The following PALM2AKAP2 variants were observed in gnomAD, a reference collection of about 807,000 sequenced individuals.
PALM2AKAP2 encodes PALM2 and AKAP2 fusion, also known as PALM2-AKAP2 fusion protein.
In PALM2AKAP2, 37 loss-of-function variants were observed where a neutral mutation model predicts 71.5. That is an observed-to-expected ratio of 0.52 (90% CI 0.40 to 0.68). The LOEUF is 0.68. PALM2AKAP2 is among the 30% of genes least tolerant of loss of function. The probability of loss-of-function intolerance (pLI) is 0.00; values close to 1 mark genes in which losing one functional copy is unlikely to be tolerated. For missense variants in PALM2AKAP2, 1,224 were observed against 1,191.8 expected, an observed-to-expected ratio of 1.03 and a Z score of -0.40; for synonymous variants, 468 against 478.8, an observed-to-expected ratio of 0.98 and a Z score of 0.29.
At chr9:109,888,581 G>A (rs952484457) in intron 3 of PALM2AKAP2, among the ~76,000 whole-genome samples, 2 of 151,878 alleles carry the variant, frequency 1.3e-5, no homozygotes, top group African/African-American at 4.8e-5. Context: ...GTGGTTGCAG[G>A]CGCTTGTAAT....
chr9:110,036,106 T>G (rs1833405652), intron 7 of PALM2AKAP2, among the ~76,000 whole-genome samples: 1 of 151,908 alleles, frequency 6.6e-6, no homozygotes, highest in Admixed American at 6.6e-5. Context: ...GCTAGTTTTT[T>G]TGGTATTTTT....
At chr9:109,869,811 A>T (rs1010684669) in intron 2 of PALM2AKAP2, among the ~76,000 whole-genome samples, 7 of 152,120 alleles carry the variant, frequency 4.6e-5, no homozygotes, top group African/African-American at 1.7e-4. Context: ...AGTTGATGAG[A>T]TTGGCTATCT....
In PALM2AKAP2 at chr9:109,867,162, CTCTGTGTG is replaced by C. The variant is rs1458970529; in HGVS notation, c.46-327_46-320del. 1.2e-4 allele frequency: 44 copies of C among 381,448 alleles called. No homozygotes were observed. In the East Asian group the frequency reaches 2.2e-3, roughly 19 times the overall value. 23.6% of individuals were successfully genotyped at this position (381,448 alleles called of 1,614,324 possible). A position where few individuals can be genotyped will look rare whatever the true frequency, so the allele number is the denominator to read the frequency against. ...AATTAACACTGCACAGAACATGGTT[CTCTGTGTG>C]TGTGTGTGTGTGTGTGTGTGTGTGT... On this transcript the variant is annotated intron_variant, in intron 1 of 9. Transcript: ENST00000302798.
chr9:110,087,873 A>G (rs895159115), intron 1 of PALM2AKAP2, among the ~76,000 whole-genome samples: 1 of 152,168 alleles, frequency 6.6e-6, no homozygotes, highest in East Asian at 1.9e-4. Flanking sequence ...TGGAGTGGTA[A>G]TAAGTGCTGA....
chr9:110,078,629 T>C (rs1476687739), intron 1 of PALM2AKAP2, among the ~76,000 whole-genome samples: 2 of 152,216 alleles, frequency 1.3e-5, no homozygotes, highest in Non-Finnish European at 2.9e-5. Flanking sequence ...TTCATTCTCT[T>C]GCACTGAGGG....
chr9:110,119,344 A>G lies in PALM2AKAP2; in HGVS notation c.157-16783A>G, dbSNP rs1472293284. Reference sequence around the variant, plus strand: ...GTGACAGAGCGAGACTCCATCTCAAAAAAAAAAAAAAAAAAAGAAAAGAAA... The same window carrying G: ...GTGACAGAGCGAGACTCCATCTCAAGAAAAAAAAAAAAAAAAGAAAAGAAA... On this transcript the variant is annotated intron_variant, in intron 1 of 3. Coordinates refer to ENST00000374525, the Ensembl canonical transcript of PALM2AKAP2. Among the ~76,000 whole-genome samples, 697 of 90,556 alleles carry G rather than the reference A, an allele frequency of 7.7e-3. 9 individuals carry two copies. The highest frequency in any genetic ancestry group is 0.028 in the African/African-American group (642 of 22,646). The allele number at this position is 90,556 out of a possible 152,430, so 59.4% of individuals were successfully genotyped here.
At chr9:110,136,352 A>G in exon 2 of PALM2AKAP2, 1 of 1,614,092 alleles carries the variant, frequency 6.2e-7, no homozygotes, top group South Asian at 1.1e-5. Context: ...TGGCCTCCTT[A>G]CTGATCACCA....
intron 1 of PALM2AKAP2, among the ~76,000 whole-genome samples, chr9:109,852,748 T>C (rs1829056979): frequency 6.6e-6 from 1 of 152,204 alleles, no homozygotes; most frequent in African/African-American, 2.4e-5. Context: ...AGTTGGTATC[T>C]CATTGTGGTT....
intron 3 of PALM2AKAP2, among the ~76,000 whole-genome samples, chr9:110,162,712 CTTGT>C (rs1012566776): frequency 3.3e-5 from 5 of 152,128 alleles, no homozygotes; most frequent in Non-Finnish European, 7.4e-5. Context: ...CAAAAGCCTC[CTTGT>C]TTAAGAGACA....
At chr9:110,124,644 T>G (rs779914888) in intron 1 of PALM2AKAP2, among the ~76,000 whole-genome samples, 1 of 152,186 alleles carries the variant, frequency 6.6e-6, no homozygotes, top group Non-Finnish European at 1.5e-5. Flanking sequence ...TATTCTGAGG[T>G]GACACTGATG....
chr9:109,787,794 G>C (rs1453239801), intron 1 of PALM2AKAP2, among the ~76,000 whole-genome samples: 1 of 152,228 alleles, frequency 6.6e-6, no homozygotes, highest in African/African-American at 2.4e-5. Context: ...AAGATTGGCA[G>C]TCACAACACA....
chr9:110,104,173 CT>C (rs1409779193), intron 1 of PALM2AKAP2, among the ~76,000 whole-genome samples: 11 of 120,070 alleles, frequency 9.2e-5, no homozygotes, highest in Admixed American at 2.2e-4. Context: ...AAGATTTCTG[CT>C]TTTTTTTGGG....
At chr9:110,046,433 A>C (rs1371170826), upstream of PALM2AKAP2, among the ~76,000 whole-genome samples, 1 of 151,824 alleles carries the variant, frequency 6.6e-6, no homozygotes, top group East Asian at 1.9e-4. Context: ...GTAAAGAAGC[A>C]ATTCAGAATA....
At chr9:109,833,213 G>A (rs569389293) in intron 1 of PALM2AKAP2, among the ~76,000 whole-genome samples, 8 of 152,190 alleles carry the variant, frequency 5.3e-5, no homozygotes, top group African/African-American at 1.9e-4. Flanking sequence ...AAATTATCTG[G>A]GTGTGGTGGC....
chr9:109,998,730 G>A (rs1832620881), intron 6 of PALM2AKAP2, among the ~76,000 whole-genome samples: 1 of 145,714 alleles, frequency 6.9e-6, no homozygotes, highest in Non-Finnish European at 1.5e-5. Context: ...TTGCACCGCT[G>A]CCGTCCAGCC....
In PALM2AKAP2 at chr9:109,969,088, G is replaced by GCACACACACACACACACACACA. The variant is rs34057385; in HGVS notation, c.496+37064_496+37085dup. On this transcript the variant is annotated intron_variant, in intron 6 of 9. Transcript: ENST00000302798. ...TTCCTGCACCTCTACAAATGTGCGTGCACACACACACACACACACACACAC... is the reference window on the plus strand; with the variant it reads ...TTCCTGCACCTCTACAAATGTGCGTGCACACACACACACACACACACACACACACACACACACACACACACAC... Among the ~76,000 whole-genome samples, 913 of 149,672 alleles carry GCACACACACACACACACACACA rather than the reference G, an allele frequency of 6.1e-3. 6 individuals are homozygous for GCACACACACACACACACACACA. The highest frequency in any genetic ancestry group is 0.012 in the East Asian group (61 of 5,082).
chr9:109,738,881 C>A (rs1429878210), intron 1 of PALM2AKAP2, among the ~76,000 whole-genome samples: 1 of 147,586 alleles, frequency 6.8e-6, no homozygotes, highest in Non-Finnish European at 1.5e-5. Context: ...CTGTGTACTG[C>A]AAATGGTGGA....
chr9:109,876,900 G>A (rs535687099), intron 2 of PALM2AKAP2, among the ~76,000 whole-genome samples: 1 of 131,502 alleles, frequency 7.6e-6, no homozygotes, highest in East Asian at 2.2e-4. Flanking sequence ...ACCTCTGGGT[G>A]ACCAGAGTCA....
intron 1 of PALM2AKAP2, among the ~76,000 whole-genome samples, chr9:110,132,773 C>A (rs1835763641): frequency 6.6e-6 from 1 of 151,968 alleles, no homozygotes. Context: ...CCATGCCTGG[C>A]TAACTTTTGT....
Sources: gnomAD v4.1 joint callset for allele counts (sites outside exome capture counted in the v4.1 genomes callset) on GRCh38, gnomAD v4.1.1 for gene constraint, MANE v1.5 for transcripts, NCBI Gene and HGNC (gene_info 2026-07-23, HGNC 2026-07-21) for gene names.